CDH7: variants seen among roughly 807,000 people sequenced by gnomAD.
The protein encoded by CDH7 is cadherin-7.
A neutral mutation model predicts 71.8 loss-of-function variants in CDH7; 25 were observed. The ratio of observed to expected loss-of-function variants is 0.35; its 90% confidence interval spans 0.25 to 0.49. CDH7 has a LOEUF of 0.49. CDH7 is among the 20% of genes least tolerant of loss of function. The pLI is 0.99. For synonymous variants in CDH7, 381 were observed against 363.8 expected, an observed-to-expected ratio of 1.05 and a Z score of -0.54; for missense variants, 862 against 974.6, an observed-to-expected ratio of 0.88 and a Z score of 1.54.
At chr18:65,804,699 CGT>C (rs56242508) in intron 2 of CDH7, among the ~76,000 whole-genome samples, 14,570 of 148,732 alleles carry the variant, frequency 0.098, 1,324 homozygotes, top group African/African-American at 0.24. Context: ...CCTTAACACA[CGT>C]GTGTGTGTGT....
intron 2 of CDH7, among the ~76,000 whole-genome samples, chr18:65,781,630 C>T (rs553129419): frequency 6.6e-6 from 1 of 152,148 alleles, no homozygotes; most frequent in African/African-American, 2.4e-5. Context: ...ACCTTTTCCA[C>T]TTTTTTCATT....
chr18:65,834,672 C>A (rs9789163), intron 6 of CDH7, among the ~76,000 whole-genome samples: 141,821 of 152,276 alleles, frequency 0.93, 66,470 homozygotes, highest in East Asian at 1. Flanking sequence ...ATCTATGATA[C>A]GTAGTAATGA....
At chr18:65,781,418 C>T (rs1959793525) in intron 2 of CDH7, among the ~76,000 whole-genome samples, 1 of 152,138 alleles carries the variant, frequency 6.6e-6, no homozygotes, top group South Asian at 2.1e-4. Context: ...ATGAAATAAT[C>T]TGACCATACA....
chr18:65,769,015 ACT>A (rs2143802712), intron 2 of CDH7, among the ~76,000 whole-genome samples: 1 of 152,048 alleles, frequency 6.6e-6, no homozygotes, highest in East Asian at 1.9e-4. Context: ...TAAAAAATAA[ACT>A]CTTTCATAAA....
rs555727424 is a variant in CDH7, at chr18:65,770,858, A to G, written c.210+7806A>G. Reference sequence around the variant, plus strand: ...CCAACCAATCATATTTTGAAGATAGATATAATTTCAGTATGTATTTGTCTG... The same window carrying G: ...CCAACCAATCATATTTTGAAGATAGGTATAATTTCAGTATGTATTTGTCTG... On this transcript the variant is annotated intron_variant, in intron 2 of 11. Transcript: ENST00000397968. 8.5e-5 allele frequency among the ~76,000 whole-genome samples: 13 copies of G among 152,314 alleles called. 1 individual carries two copies. In the South Asian group the frequency reaches 1.2e-3, roughly 15 times the overall value.
intron 3 of CDH7, among the ~76,000 whole-genome samples, chr18:65,813,027 A>G (rs999484178): frequency 3.3e-5 from 5 of 152,192 alleles, no homozygotes; most frequent in South Asian, 4.1e-4. Context: ...ACAATCATCT[A>G]AGTCCATAAA....
At chr18:65,830,145 A>G (rs1035347522) in intron 6 of CDH7, among the ~76,000 whole-genome samples, 2 of 152,148 alleles carry the variant, frequency 1.3e-5, no homozygotes, top group Admixed American at 6.5e-5. Flanking sequence ...TACAGAAAGA[A>G]CCGGGGCAAT....
chr18:65,824,976 G>T, intron 6 of CDH7, 145 bp downstream of exon 6: 5 of 493,994 alleles, frequency 1.0e-5, no homozygotes, highest in Admixed American at 3.8e-5. Flanking sequence ...TTTAATTTTT[G>T]GTGTCAGACT....
chr18:65,880,980 T>C lies in CDH7; in HGVS notation c.*86T>C. 1 of 1,314,670 alleles carries C rather than the reference T, an allele frequency of 7.6e-7. No homozygotes were observed. Among genetic ancestry groups the C allele is most frequent in the Non-Finnish European group, 1.0e-6 (1 of 974,502 alleles). 81.4% of individuals were successfully genotyped at this position (1,314,670 alleles called of 1,614,324 possible). On this transcript the variant is annotated 3_prime_UTR_variant, in exon 12 of 12. Transcript: ENST00000397968. ...TGAAATAAAATAATAAACCACTACATACAGAAAACAAGAACTCCCCTTGCT... is the reference window on the plus strand; with the variant it reads ...TGAAATAAAATAATAAACCACTACACACAGAAAACAAGAACTCCCCTTGCT...
At chr18:65,823,217 A>G (rs116603393) in intron 5 of CDH7, among the ~76,000 whole-genome samples, 3,632 of 152,014 alleles carry the variant, frequency 0.024, 61 homozygotes, top group African/African-American at 0.037. Flanking sequence ...TTATTATACA[A>G]GAAATGGTAT....
At chr18:65,789,842 G>C (rs1279542412) in intron 2 of CDH7, among the ~76,000 whole-genome samples, 3 of 152,086 alleles carry the variant, frequency 2.0e-5, no homozygotes, top group Non-Finnish European at 4.4e-5. Context: ...CTCTCACATA[G>C]TAGGTACTAT....
At chr18:65,834,268 T>C (rs1912455968) in intron 6 of CDH7, among the ~76,000 whole-genome samples, 1 of 152,202 alleles carries the variant, frequency 6.6e-6, no homozygotes, top group Non-Finnish European at 1.5e-5. Flanking sequence ...GAACAAGTGA[T>C]GTTTGGTGCA....
chr18:65,851,930 T>TA (rs1278914756), intron 7 of CDH7, among the ~76,000 whole-genome samples: 1 of 152,150 alleles, frequency 6.6e-6, no homozygotes, highest in Non-Finnish European at 1.5e-5. Flanking sequence ...CAGGTTTTCT[T>TA]AAAAAAGCAT....
In CDH7 at chr18:65,781,938, C is replaced by CTCTCTT. The variant is rs1568181955; in HGVS notation, c.210+18891_210+18892insTTCTCT. ...TTTCTCTCTTTCTCTCTCTCTCTCT[C>CTCTCTT]TCTCTCTTTCTCTCTTTCTCTCTTT... On this transcript the variant is annotated intron_variant, in intron 2 of 11. Transcript: ENST00000397968. Among the ~76,000 whole-genome samples, 56 of 53,378 alleles carry CTCTCTT rather than the reference C, an allele frequency of 1.0e-3. 1 individual carries two copies. Among genetic ancestry groups the CTCTCTT allele is most frequent in the South Asian group, 2.8e-3 (4 of 1,440 alleles). The allele number at this position is 53,378 out of a possible 152,430, so 35.0% of individuals were successfully genotyped here. A position where few individuals can be genotyped will look rare whatever the true frequency, so the allele number is the denominator to read the frequency against.
At chr18:65,774,231 A>C (rs1916632133) in intron 2 of CDH7, among the ~76,000 whole-genome samples, 1 of 152,020 alleles carries the variant, frequency 6.6e-6, no homozygotes, top group African/African-American at 2.4e-5. Flanking sequence ...TCTCTTGAGG[A>C]AAACAATCTA....
At chr18:65,859,353 C>T (rs1913477854) in intron 9 of CDH7, among the ~76,000 whole-genome samples, 1 of 152,134 alleles carries the variant, frequency 6.6e-6, no homozygotes, top group Non-Finnish European at 1.5e-5. Context: ...TCCTACCTTA[C>T]CCAACCGGGT....
At chr18:65,762,033 G>T (rs186516132) in intron 1 of CDH7, among the ~76,000 whole-genome samples, 1 of 152,164 alleles carries the variant, frequency 6.6e-6, no homozygotes, top group Admixed American at 6.5e-5. Context: ...ATGACAATAA[G>T]TTCAAAGAGT....
chr18:65,777,063 C>T (rs920288967), intron 2 of CDH7, among the ~76,000 whole-genome samples: 1 of 152,074 alleles, frequency 6.6e-6, no homozygotes, highest in Non-Finnish European at 1.5e-5. Flanking sequence ...TAGGAGCTGC[C>T]GTTGCTAACA....
intron 7 of CDH7, among the ~76,000 whole-genome samples, chr18:65,845,732 A>C (rs1912912913): frequency 6.6e-6 from 1 of 152,082 alleles, no homozygotes; most frequent in Non-Finnish European, 1.5e-5. Context: ...AGTGACCGAA[A>C]GACATTACTA....
Sources: gnomAD v4.1 joint callset for allele counts (sites outside exome capture counted in the v4.1 genomes callset) on GRCh38, gnomAD v4.1.1 for gene constraint, MANE v1.5 for transcripts, NCBI Gene and HGNC (gene_info 2026-07-23, HGNC 2026-07-21) for gene names.